CLNK: variants seen among roughly 807,000 people sequenced by gnomAD.
The protein encoded by CLNK is cytokine dependent hematopoietic cell linker.
A neutral mutation model predicts 68.6 loss-of-function variants in CLNK; 74 were observed. That is an observed-to-expected ratio of 1.08 (90% CI 0.89 to 1.31). CLNK has a LOEUF of 1.31. Ranked by LOEUF, CLNK falls within the 50% of genes most tolerant of loss-of-function variation. CLNK has a pLI of 0.00. For missense variants in CLNK, 553 were observed against 515.3 expected (o/e 1.07, Z -0.71); for synonymous variants, 198 against 172.2 (o/e 1.15, Z -1.17).
At chr4:10,539,374 T>C (rs1055224562) in intron 11 of CLNK, among the ~76,000 whole-genome samples, 25 of 152,336 alleles carry the variant, frequency 1.6e-4, no homozygotes, top group African/African-American at 4.8e-4. Context: ...GAATCAGTGA[T>C]GAATGAGTTT....
At chr4:10,556,294 G>C (rs1558201) in intron 8 of CLNK, among the ~76,000 whole-genome samples, 61,678 of 152,098 alleles carry the variant, frequency 0.41, 14,332 homozygotes, top group Non-Finnish European at 0.53. Context: ...TAGCTCAGAG[G>C]CAAAATAACA....
intron 11 of CLNK, among the ~76,000 whole-genome samples, chr4:10,535,497 C>G (rs569268701): frequency 7.2e-5 from 11 of 152,046 alleles, no homozygotes; most frequent in Non-Finnish European, 1.2e-4. Context: ...ATATAAGATC[C>G]CAAACCGGGC....
chr4:10,513,463 C>T lies in CLNK; in HGVS notation c.906+1G>A, dbSNP rs1195408762. ...GACTTGGCAGAGAAGTGTCTGCTTACCTTTCTATCAGACCTTTTGGGGAAA... is the reference window on the plus strand; with the variant it reads ...GACTTGGCAGAGAAGTGTCTGCTTATCTTTCTATCAGACCTTTTGGGGAAA... On this transcript the variant is annotated splice_donor_variant, in intron 16 of 18. Coordinates refer to ENST00000226951, the MANE Select transcript of CLNK (RefSeq NM_052964.4). LOFTEE classifies it high-confidence loss of function. The T allele has an allele frequency of 6.2e-7, 1 of 1,610,634 alleles. No homozygotes were observed. The highest frequency in any genetic ancestry group is 1.3e-5 in the African/African-American group (1 of 74,972).
intron 2 of CLNK, among the ~76,000 whole-genome samples, chr4:10,654,137 G>C (rs1723862598): frequency 1.3e-5 from 2 of 151,946 alleles, no homozygotes; most frequent in South Asian, 4.2e-4. Flanking sequence ...AGCAAGGAGA[G>C]TGAAAGAAAG....
At chr4:10,554,677 A>G (rs1719592569) in intron 8 of CLNK, among the ~76,000 whole-genome samples, 1 of 152,220 alleles carries the variant, frequency 6.6e-6, no homozygotes, top group Non-Finnish European at 1.5e-5. Flanking sequence ...ACACATTTAC[A>G]TCTAAAATGG....
chr4:10,639,207 T>C (rs573779578), intron 2 of CLNK, among the ~76,000 whole-genome samples: 179 of 152,344 alleles, frequency 1.2e-3, no homozygotes, highest in Non-Finnish European at 1.9e-3. Context: ...CTTGCACTGC[T>C]GAGTAAGGCT....
At chr4:10,549,299 A>G (rs992119449) in intron 8 of CLNK, among the ~76,000 whole-genome samples, 10 of 152,228 alleles carry the variant, frequency 6.6e-5, no homozygotes, top group Non-Finnish European at 1.0e-4. Context: ...GGATTGAACA[A>G]GCAAAGTAAC....
chr4:10,691,330 C>T, the CLNK span, among the ~76,000 whole-genome samples: 2 of 152,098 alleles, frequency 1.3e-5, no homozygotes, highest in African/African-American at 2.4e-5. Context: ...AAGGACCCAC[C>T]TTGTATCACC....
rs916432179 is a variant in CLNK, at chr4:10,506,966, A to AT, written c.984+992dup. ...AGGCGCCTGCCACCATGCCCGGCCA[A>AT]TTTTTTTTTTTGGTATTTTTAGTAG... On this transcript the variant is annotated intron_variant, in intron 17 of 18. Transcript: ENST00000226951. Among the ~76,000 whole-genome samples the AT allele has an allele frequency of 1.6e-3, 234 of 145,766 alleles. 2 individuals carry two copies. Among genetic ancestry groups the AT allele is most frequent in the African/African-American group, 4.8e-3 (192 of 39,828 alleles).
chr4:10,657,877 A>T (rs1692142506), intron 2 of CLNK, among the ~76,000 whole-genome samples: 2 of 152,224 alleles, frequency 1.3e-5, no homozygotes, highest in African/African-American at 4.8e-5. Flanking sequence ...TAAGTAGTCA[A>T]ATTATCTTTC....
At chr4:10,514,933 A>G (rs1717763202) in intron 15 of CLNK, among the ~76,000 whole-genome samples, 1 of 152,202 alleles carries the variant, frequency 6.6e-6, no homozygotes, top group Non-Finnish European at 1.5e-5. Flanking sequence ...TCCCAGAGTC[A>G]TCTTTTAAGA....
chr4:10,691,869 T>C, the CLNK span, among the ~76,000 whole-genome samples: 1 of 152,138 alleles, frequency 6.6e-6, no homozygotes, highest in East Asian at 1.9e-4. Context: ...AGCTTCTTAT[T>C]AGTACATGTG....
intron 2 of CLNK, among the ~76,000 whole-genome samples, chr4:10,635,324 C>T (rs898067960): frequency 2.0e-5 from 3 of 152,138 alleles, no homozygotes; most frequent in Non-Finnish European, 4.4e-5. Context: ...AGTGAAGTGT[C>T]AGGAGATCCT....
the CLNK span, among the ~76,000 whole-genome samples, chr4:10,728,899 C>T: frequency 1.3e-5 from 2 of 151,864 alleles, no homozygotes; most frequent in Non-Finnish European, 2.9e-5. Flanking sequence ...ACACCCGGCC[C>T]CTTTCTTATA....
chr4:10,526,238 T>G (rs1489356361), intron 13 of CLNK, among the ~76,000 whole-genome samples: 1 of 152,212 alleles, frequency 6.6e-6, no homozygotes, highest in South Asian at 2.1e-4. Context: ...TTTAAAAGAT[T>G]TTTAGCTTCC....
chr4:10,649,437 A>G (rs1291510601), intron 2 of CLNK, among the ~76,000 whole-genome samples: 1 of 152,220 alleles, frequency 6.6e-6, no homozygotes, highest in Non-Finnish European at 1.5e-5. Flanking sequence ...GCCAACACAG[A>G]GGAAAATGGC....
chr4:10,629,523 C>A (rs951889639), intron 2 of CLNK, among the ~76,000 whole-genome samples: 3 of 152,148 alleles, frequency 2.0e-5, no homozygotes, highest in African/African-American at 7.2e-5. Flanking sequence ...TGGGGCAGAG[C>A]GAGGAAGTGC....
At chr4:10,516,402 A>G (rs935938900) in intron 15 of CLNK, among the ~76,000 whole-genome samples, 1 of 152,240 alleles carries the variant, frequency 6.6e-6, no homozygotes, top group African/African-American at 2.4e-5. Context: ...TGAAATATTA[A>G]TTAAACATTA....
chr4:10,494,998 A>C (rs971022211), intron 18 of CLNK, among the ~76,000 whole-genome samples: 1 of 152,058 alleles, frequency 6.6e-6, no homozygotes, highest in African/African-American at 2.4e-5. Context: ...CTGTTTGGGT[A>C]CACACATGAG....
Sources: allele counts gnomAD v4.1 joint callset (sites outside exome capture counted in the v4.1 genomes callset), GRCh38; gene constraint gnomAD v4.1.1; transcripts MANE v1.5; gene names NCBI Gene and HGNC (gene_info 2026-07-23, HGNC 2026-07-21).